LRRC4C: variants seen among roughly 807,000 people sequenced by gnomAD.
LRRC4C encodes the protein leucine rich repeat containing 4C, also known as leucine-rich repeat-containing protein 4C.
LRRC4C carries 5 observed loss-of-function variants against 33.6 expected under a neutral mutation model. The ratio of observed to expected loss-of-function variants is 0.15; its 90% CI spans 0.08 to 0.31. The LOEUF (loss-of-function observed/expected upper bound fraction) is 0.31. Among genes scored for constraint, LRRC4C ranks in the 10% least tolerant of loss-of-function variants. The pLI, the probability that LRRC4C is intolerant of heterozygous loss-of-function variation, is 1.00. For missense variants in LRRC4C, 560 were observed against 796.7 expected (o/e 0.70, Z 3.58); for synonymous variants, 329 against 302.0 (o/e 1.09, Z -0.93).
intron 1 of LRRC4C, among the ~76,000 whole-genome samples, chr11:41,155,610 C>A (rs977152879): frequency 3.3e-5 from 5 of 152,018 alleles, no homozygotes; most frequent in South Asian, 2.1e-4. Flanking sequence ...GGGGCATAGC[C>A]AGTTCTTGTC....
At chr11:41,102,223 G>T (rs1219553273) in intron 1 of LRRC4C, among the ~76,000 whole-genome samples, 1 of 152,062 alleles carries the variant, frequency 6.6e-6, no homozygotes, top group Non-Finnish European at 1.5e-5. Context: ...CATTAAAGCT[G>T]AGTCTAAAAA....
At chr11:41,137,651 C>T (rs1014634492) in intron 1 of LRRC4C, among the ~76,000 whole-genome samples, 2 of 151,986 alleles carry the variant, frequency 1.3e-5, no homozygotes, top group African/African-American at 2.4e-5. Flanking sequence ...AATATATAAT[C>T]AGATCTCTTT....
At chr11:40,595,477 C>G (rs990791871) in intron 3 of LRRC4C, among the ~76,000 whole-genome samples, 1 of 152,076 alleles carries the variant, frequency 6.6e-6, no homozygotes, top group Non-Finnish European at 1.5e-5. Context: ...AACCAACATC[C>G]TTGGGAACCA....
chr11:40,303,246 A>G (rs2136681069), intron 4 of LRRC4C, among the ~76,000 whole-genome samples: 1 of 152,270 alleles, frequency 6.6e-6, no homozygotes, highest in South Asian at 2.1e-4. Context: ...AAGGGTGGGT[A>G]TAAGAAATGT....
chr11:41,115,561 A>G (rs535797432), intron 1 of LRRC4C, among the ~76,000 whole-genome samples: 74 of 152,204 alleles, frequency 4.9e-4, no homozygotes, highest in Admixed American at 9.8e-4. Flanking sequence ...TGAGGTTTTA[A>G]TTGTGTTCAT....
chr11:40,783,954 C>T (rs1284368175), intron 2 of LRRC4C, among the ~76,000 whole-genome samples: 1 of 152,010 alleles, frequency 6.6e-6, no homozygotes, highest in African/African-American at 2.4e-5. Context: ...TAAAGTGCAA[C>T]ATTCATTGGA....
intron 2 of LRRC4C, among the ~76,000 whole-genome samples, chr11:40,814,467 A>G (rs1014229832): frequency 1.3e-5 from 2 of 151,982 alleles, no homozygotes; most frequent in Non-Finnish European, 2.9e-5. Flanking sequence ...CTATGCCTCC[A>G]TGCCTGTGAT....
chr11:40,495,813 G>GTTTTTTTTTTTTTTTTTTTTTTTTT (rs77683172), intron 3 of LRRC4C, among the ~76,000 whole-genome samples: 1 of 67,014 alleles, frequency 1.5e-5, no homozygotes, highest in Non-Finnish European at 2.8e-5. Flanking sequence ...CAATAAACAT[G>GTTTTTTTTTTTTTTTTTTTTTTTTT]TTTTTTTTTT....
intron 3 of LRRC4C, among the ~76,000 whole-genome samples, chr11:40,456,749 C>G (rs1275896966): frequency 6.6e-6 from 1 of 151,460 alleles, no homozygotes; most frequent in Non-Finnish European, 1.5e-5. Flanking sequence ...AAGATAATTT[C>G]AAGTTTTTAG....
chr11:40,955,407 A>G (rs982056739), intron 1 of LRRC4C, among the ~76,000 whole-genome samples: 40 of 151,798 alleles, frequency 2.6e-4, no homozygotes, highest in African/African-American at 9.2e-4. Flanking sequence ...ATGTCCTGTG[A>G]CTTATTTGTT....
chr11:41,352,822 A>G (rs1952027776), intron 1 of LRRC4C, among the ~76,000 whole-genome samples: 14 of 152,090 alleles, frequency 9.2e-5, no homozygotes, highest in Admixed American at 9.2e-4. Context: ...TTATTAAACT[A>G]ATGAAAATAA....
At chr11:40,183,792 C>T (rs75216945) in intron 5 of LRRC4C, among the ~76,000 whole-genome samples, 59 of 152,298 alleles carry the variant, frequency 3.9e-4, no homozygotes, top group African/African-American at 1.3e-3. Flanking sequence ...TTACCCTCTG[C>T]CTTACTATCC....
At chr11:41,301,154 GTGCTTTAGTAAGGATA>G (rs1308145443) in intron 1 of LRRC4C, among the ~76,000 whole-genome samples, 1 of 152,140 alleles carries the variant, frequency 6.6e-6, no homozygotes, top group African/African-American at 2.4e-5. Context: ...ATTTGCTGCT[GTGCTTTAGTAAGGATA>G]TGCACCTCTG....
intron 2 of LRRC4C, among the ~76,000 whole-genome samples, chr11:40,861,877 C>G (rs1954119878): frequency 6.6e-6 from 1 of 152,110 alleles, no homozygotes; most frequent in Non-Finnish European, 1.5e-5. Context: ...GCTCTTTAAA[C>G]AAACAGTTCT....
intron 1 of LRRC4C, among the ~76,000 whole-genome samples, chr11:41,419,710 A>T (rs1053811369): frequency 1.3e-5 from 2 of 151,934 alleles, no homozygotes; most frequent in Non-Finnish European, 2.9e-5. Flanking sequence ...ATCATCACAA[A>T]ACTCTCCATA....
chr11:40,411,540 CCTAA>C (rs1950155521), intron 3 of LRRC4C, among the ~76,000 whole-genome samples: 1 of 151,976 alleles, frequency 6.6e-6, no homozygotes, highest in African/African-American at 2.4e-5. Flanking sequence ...TTCTTTCTTT[CCTAA>C]CTGTTTCTAC....
chr11:40,691,329 A>G (rs576227139), intron 2 of LRRC4C, among the ~76,000 whole-genome samples: 1 of 152,020 alleles, frequency 6.6e-6, no homozygotes, highest in Non-Finnish European at 1.5e-5. Context: ...TTGCTGGGCT[A>G]AGCAGGTTAT....
At chr11:40,523,912 T>C (rs947778314) in intron 3 of LRRC4C, among the ~76,000 whole-genome samples, 1 of 152,194 alleles carries the variant, frequency 6.6e-6, no homozygotes, top group Non-Finnish European at 1.5e-5. Flanking sequence ...CTGATAGTCA[T>C]GTTTTCCCTT....
intron 1 of LRRC4C, among the ~76,000 whole-genome samples, chr11:40,959,887 G>A (rs1350906228): frequency 1.3e-5 from 2 of 151,654 alleles, no homozygotes; most frequent in African/African-American, 2.4e-5. Flanking sequence ...AACATTTGAG[G>A]CTACATTTTA....
Sources: allele counts gnomAD v4.1 joint callset (sites outside exome capture counted in the v4.1 genomes callset), GRCh38; gene constraint gnomAD v4.1.1; transcripts MANE v1.5; gene names NCBI Gene and HGNC (gene_info 2026-07-23, HGNC 2026-07-21).